The following RHAG variants were observed in gnomAD, a reference collection of about 807,000 sequenced individuals.
The protein encoded by RHAG is ammonium transporter Rh type A.
A neutral mutation model predicts 42.4 loss-of-function variants in RHAG; 25 were observed. That is an observed-to-expected ratio of 0.59 (90% confidence interval 0.43 to 0.82). The LOEUF (loss-of-function observed/expected upper bound fraction) is 0.82, where lower values mean the gene tolerates loss of function less well. Among genes scored for constraint, RHAG ranks in the 40% least tolerant of loss-of-function variants. The pLI, the probability that RHAG is intolerant of heterozygous loss-of-function variation, is 0.00. For missense variants in RHAG, 483 were observed against 504.6 expected, an observed-to-expected ratio of 0.96 and a Z score of 0.41; for synonymous variants, 182 against 177.7, an observed-to-expected ratio of 1.02 and a Z score of -0.19.
rs1468432379 is a variant in RHAG, at chr6:49,614,181, A to T, written c.807+506T>A. ...CATTTTTTAATCTTCCAGGACAAAA[A>T]TTTTTTTTTTCTTTTTTTTTTTCTT... is the stretch of plus-strand genomic sequence containing the variant. On this transcript the variant is annotated intron_variant, in intron 5 of 9. Transcript: ENST00000371175. 4.0e-5 allele frequency among the ~76,000 whole-genome samples: 6 copies of T among 149,618 alleles called. No individual in the cohort carries two copies. In the East Asian group the frequency reaches 5.9e-4, roughly 15 times the overall value.
intron 1 of RHAG, among the ~76,000 whole-genome samples, chr6:49,626,770 T>C (rs544265314): frequency 1.3e-5 from 2 of 152,374 alleles, no homozygotes; most frequent in South Asian, 4.1e-4. Context: ...TATCTGGATA[T>C]CCAGGCACTT....
In RHAG at chr6:49,611,163, A is replaced by C. The variant is rs75364298; in HGVS notation, c.946-18T>G. 1.8e-4 allele frequency: 286 copies of C among 1,603,066 alleles called. 4 individuals are homozygous for C. In the South Asian group the frequency reaches 2.9e-3, roughly 16 times the overall value. ...AAAAGTGGCTAAAATTATAAAAGGAAGAAGGTTTATTATTTAGTTAAACAT... is the reference window on the plus strand; with the variant it reads ...AAAAGTGGCTAAAATTATAAAAGGACGAAGGTTTATTATTTAGTTAAACAT... On this transcript the variant is annotated intron_variant, in intron 6 of 9. Transcript: ENST00000371175.
intron 1 of RHAG, among the ~76,000 whole-genome samples, chr6:49,625,532 T>C (rs1280939229): frequency 3.3e-5 from 5 of 152,184 alleles, no homozygotes; most frequent in Non-Finnish European, 5.9e-5. Context: ...TTGTTCTACT[T>C]TTCTGCTAAA....
chr6:49,625,312 T>C (rs1049728101), intron 1 of RHAG, among the ~76,000 whole-genome samples: 5 of 152,240 alleles, frequency 3.3e-5, no homozygotes, highest in African/African-American at 1.2e-4. Flanking sequence ...TGGGTTGGAA[T>C]CTGACTAAGC....
At chr6:49,607,042 A>G in intron 8 of RHAG, 108 bp downstream of exon 8, 1 of 1,227,678 alleles carries the variant, frequency 8.1e-7, no homozygotes, top group South Asian at 1.2e-5. Context: ...CTTTACTGCC[A>G]GAAGTTTAGA....
chr6:49,605,551 T>A lies in RHAG; in HGVS notation c.*262A>T. 1 of 543,386 alleles carries A rather than the reference T, an allele frequency of 1.8e-6. No homozygotes were observed. The highest frequency in any genetic ancestry group is 2.0e-5 in the South Asian group (1 of 49,492). The allele number at this position is 543,386 out of a possible 1,614,324, so 33.7% of individuals were successfully genotyped here. On this transcript the variant is annotated 3_prime_UTR_variant, in exon 10 of 10. Coordinates refer to ENST00000371175, the MANE Select transcript of RHAG (RefSeq NM_000324.3). The stretch of plus-strand genomic sequence containing the variant: ...TTGGGAATCCTGGAGAAGATCTATT[T>A]GATTATCTGTTTTATGAGTAACATC...
intron 1 of RHAG, among the ~76,000 whole-genome samples, chr6:49,623,233 G>T (rs1197560952): frequency 6.6e-6 from 1 of 152,060 alleles, no homozygotes; most frequent in Non-Finnish European, 1.5e-5. Flanking sequence ...ACTGCTTTTC[G>T]CCACAAGGGG....
At chr6:49,613,738 T>G (rs989082530) in intron 5 of RHAG, among the ~76,000 whole-genome samples, 3 of 152,182 alleles carry the variant, frequency 2.0e-5, no homozygotes, top group African/African-American at 7.2e-5. Flanking sequence ...TTGAACTAAT[T>G]GCAGACACAT....
intron 6 of RHAG, 36 bp downstream of exon 6, chr6:49,612,361 A>G (rs1762582436): frequency 6.2e-7 from 1 of 1,611,282 alleles, no homozygotes; most frequent in African/African-American, 1.3e-5. Context: ...AAAGGTGCAG[A>G]TTCAGAGTTT....
chr6:49,627,358 C>T (rs1267834606), intron 1 of RHAG, among the ~76,000 whole-genome samples: 1 of 152,156 alleles, frequency 6.6e-6, no homozygotes, highest in Non-Finnish European at 1.5e-5. Flanking sequence ...CTATGCCAGC[C>T]TCTTTGTATA....
intron 7 of RHAG, among the ~76,000 whole-genome samples, chr6:49,608,340 T>A (rs1762510909): frequency 6.6e-6 from 1 of 152,162 alleles, no homozygotes; most frequent in African/African-American, 2.4e-5. Context: ...ATTTTCCTAA[T>A]ATAAAACCTA....
At chr6:49,619,068 C>G in intron 2 of RHAG, 111 bp downstream of exon 2, 1 of 1,212,836 alleles carries the variant, frequency 8.2e-7, no homozygotes, top group African/African-American at 1.5e-5. Flanking sequence ...CCTTCATGAC[C>G]TGGTCACCTC....
At chr6:49,620,052 G>A (rs1456028371) in intron 1 of RHAG, among the ~76,000 whole-genome samples, 1 of 152,120 alleles carries the variant, frequency 6.6e-6, no homozygotes, top group Non-Finnish European at 1.5e-5. Context: ...TAATTTCTTT[G>A]TTAGCACTTT....
rs552988882 is a variant in RHAG at position 49,630,033 on chromosome 6, G to A, written c.157+6623C>T. Among the ~76,000 whole-genome samples the A allele has an allele frequency of 5.8e-4, 88 of 152,314 alleles. 1 individual carries two copies. The highest frequency in any genetic ancestry group is 1.9e-3 in the African/African-American group (77 of 41,574). Reference sequence around the variant, plus strand: ...TGGGCTGAAGGGCTCCTCAAGTGCCGCCAAAGTGGGAGCCTAGGCAGAGGA... The same window carrying A: ...TGGGCTGAAGGGCTCCTCAAGTGCCACCAAAGTGGGAGCCTAGGCAGAGGA... On this transcript the variant is annotated intron_variant, in intron 1 of 9. Coordinates refer to ENST00000371175, the MANE Select transcript of RHAG (RefSeq NM_000324.3).
intron 3 of RHAG, among the ~76,000 whole-genome samples, chr6:49,616,354 CAAAAAAAAA>C (rs34416373): frequency 0.3 from 32,230 of 109,186 alleles, 4,100 homozygotes; most frequent in South Asian, 0.39. Context: ...AATCTCAAAC[CAAAAAAAAA>C]AAAAAAAAAA....
chr6:49,629,394 TAC>T (rs979687225), intron 1 of RHAG, among the ~76,000 whole-genome samples: 8 of 152,256 alleles, frequency 5.3e-5, no homozygotes, highest in Middle Eastern at 3.4e-3. Context: ...TTGAGCTAGA[TAC>T]AGAGTGCCGG....
chr6:49,622,436 T>G (rs1345946420), intron 1 of RHAG, among the ~76,000 whole-genome samples: 1 of 152,108 alleles, frequency 6.6e-6, no homozygotes, highest in Non-Finnish European at 1.5e-5. Context: ...GGTCTCGAAC[T>G]CCTGACCTTG....
At chr6:49,631,664 C>A (rs1762938653) in intron 1 of RHAG, among the ~76,000 whole-genome samples, 1 of 152,172 alleles carries the variant, frequency 6.6e-6, no homozygotes, top group South Asian at 2.1e-4. Flanking sequence ...TCCAATGAGT[C>A]CCTGAGTGGG....
chr6:49,635,971 G>A (rs150562922), intron 1 of RHAG, among the ~76,000 whole-genome samples: 4 of 152,022 alleles, frequency 2.6e-5, no homozygotes, highest in South Asian at 2.1e-4. Flanking sequence ...TAATAAGGAC[G>A]CAGTAAATGG....
Sources: allele counts gnomAD v4.1 joint callset (sites outside exome capture counted in the v4.1 genomes callset), GRCh38; gene constraint gnomAD v4.1.1; transcripts MANE v1.5; gene names NCBI Gene and HGNC (gene_info 2026-07-23, HGNC 2026-07-21).